The following STXBP5L variants were observed in gnomAD, a reference collection of about 807,000 sequenced individuals.
STXBP5L encodes the protein syntaxin binding protein 5L.
In STXBP5L, 65 loss-of-function variants were observed where a neutral mutation model predicts 144.5. The observed-to-expected ratio is 0.45, with a 90% confidence interval of 0.37 to 0.55. The LOEUF is 0.55. STXBP5L is among the 20% of genes least tolerant of loss of function. The pLI is 0.00. For missense variants in STXBP5L, 1,298 were observed against 1,405.5 expected (o/e 0.92, Z 1.22); for synonymous variants, 505 against 469.6 (o/e 1.08, Z -0.97).
intron 3 of STXBP5L, among the ~76,000 whole-genome samples, chr3:120,991,770 A>G (rs1445973096): frequency 7.0e-6 from 1 of 143,720 alleles, no homozygotes; most frequent in East Asian, 2.3e-4. Flanking sequence ...ATGAGAACAC[A>G]TGGACACAGG....
At chr3:121,160,467 C>T (rs1244954504) in intron 9 of STXBP5L, among the ~76,000 whole-genome samples, 1 of 152,126 alleles carries the variant, frequency 6.6e-6, no homozygotes, top group Non-Finnish European at 1.5e-5. Context: ...CAACTATTTG[C>T]ATAGTGTCAC....
At chr3:121,190,335 G>A (rs1315522146) in intron 9 of STXBP5L, among the ~76,000 whole-genome samples, 1 of 152,152 alleles carries the variant, frequency 6.6e-6, no homozygotes, top group Non-Finnish European at 1.5e-5. Context: ...TTAACCCTTA[G>A]TGGACACAGC....
chr3:121,015,016 G>A (rs1386348944), intron 3 of STXBP5L, among the ~76,000 whole-genome samples: 2 of 152,026 alleles, frequency 1.3e-5, no homozygotes, highest in South Asian at 2.1e-4. Flanking sequence ...AATTATAGAA[G>A]ACTGAAATCA....
In STXBP5L at chr3:121,157,639, G is replaced by A. The variant is rs1234896501; in HGVS notation, c.877+12G>A. The A allele has an allele frequency of 6.3e-7, 1 of 1,593,334 alleles. No homozygotes were observed. The highest frequency in any genetic ancestry group is 2.3e-5 in the East Asian group (1 of 43,586). On this transcript the variant is annotated intron_variant, in intron 9 of 26. Coordinates refer to ENST00000471454, the MANE Select transcript of STXBP5L (RefSeq NM_001308330.2). ...CACAATTCCACATGGTAAGATGTAT[G>A]CTTTCAAAAGGAATAAACACTGGCA...
chr3:121,029,462 A>G (rs1483926265), intron 3 of STXBP5L, among the ~76,000 whole-genome samples: 1 of 152,212 alleles, frequency 6.6e-6, no homozygotes, highest in Non-Finnish European at 1.5e-5. Context: ...TGGTGTTGGG[A>G]AAACTGGCTA....
intron 3 of STXBP5L, among the ~76,000 whole-genome samples, chr3:121,039,776 C>T (rs1371491409): frequency 6.6e-6 from 1 of 151,942 alleles, no homozygotes; most frequent in African/African-American, 2.4e-5. Flanking sequence ...CAAATTACAA[C>T]TAATTAGGCC....
chr3:121,313,531 T>TC (rs1210223958), intron 19 of STXBP5L, among the ~76,000 whole-genome samples: 3 of 1,676 alleles, frequency 1.8e-3, no homozygotes, highest in Non-Finnish European at 3.4e-3. Context: ...GAGGAGCCCC[T>TC]CACTCCCGGA....
chr3:121,365,859 T>C (rs1383360201), intron 20 of STXBP5L, among the ~76,000 whole-genome samples: 1 of 151,838 alleles, frequency 6.6e-6, no homozygotes, highest in East Asian at 1.9e-4. Context: ...AGTTAGGTTG[T>C]TGCCTTGAGA....
chr3:121,244,766 G>C (rs2049786569), intron 14 of STXBP5L, among the ~76,000 whole-genome samples: 1 of 151,990 alleles, frequency 6.6e-6, no homozygotes, highest in South Asian at 2.1e-4. Flanking sequence ...GACTAGAAGG[G>C]AGTGGGATAA....
intron 23 of STXBP5L, 59 bp downstream of exon 23, chr3:121,407,662 T>TA (rs1356381759): frequency 6.3e-7 from 1 of 1,598,528 alleles, no homozygotes; most frequent in Non-Finnish European, 8.5e-7. Context: ...GGTACAATCC[T>TA]AAAAAATATA....
At chr3:120,982,624 C>A (rs1941894937) in intron 3 of STXBP5L, among the ~76,000 whole-genome samples, 1 of 152,186 alleles carries the variant, frequency 6.6e-6, no homozygotes, top group Non-Finnish European at 1.5e-5. Context: ...TGGAGTAGAA[C>A]CTCTTATCTC....
At chr3:121,185,145 CA>C (rs2047323210) in intron 9 of STXBP5L, among the ~76,000 whole-genome samples, 1 of 152,006 alleles carries the variant, frequency 6.6e-6, no homozygotes, top group Non-Finnish European at 1.5e-5. Context: ...GAAGAAACTG[CA>C]ACTTGTAAAT....
At chr3:121,278,338 A>G (rs1047605648) in intron 18 of STXBP5L, among the ~76,000 whole-genome samples, 4 of 151,794 alleles carry the variant, frequency 2.6e-5, no homozygotes, top group Non-Finnish European at 5.9e-5. Flanking sequence ...CTCTTTACCA[A>G]CTTTCTGACA....
At chr3:121,001,213 G>A (rs79575257) in intron 3 of STXBP5L, among the ~76,000 whole-genome samples, 2,501 of 152,310 alleles carry the variant, frequency 0.016, 37 homozygotes, top group Middle Eastern at 0.058. Flanking sequence ...ATGCTGGCAA[G>A]GCCCATGTGA....
chr3:120,952,977 C>T (rs2877382), intron 2 of STXBP5L, among the ~76,000 whole-genome samples: 72,707 of 145,536 alleles, frequency 0.5, 17,936 homozygotes, highest in Admixed American at 0.59. Context: ...TTTTTTTTTT[C>T]TTAATAGAGA....
In STXBP5L at chr3:121,084,502, C is replaced by T. The variant is rs115267512; in HGVS notation, c.471-30423C>T. The stretch of plus-strand genomic sequence containing the variant: ...GATACATGGCTGATGATAATGGCTT[C>T]GAGCTCCATCCATGTCCCTGCAAAG... On this transcript the variant is annotated intron_variant, in intron 5 of 26. Coordinates refer to ENST00000471454, the MANE Select transcript of STXBP5L (RefSeq NM_001308330.2). 4.2e-3 allele frequency among the ~76,000 whole-genome samples: 635 copies of T among 152,200 alleles called. 2 individuals carry two copies. The highest frequency in any genetic ancestry group is 0.014 in the African/African-American group (595 of 41,526).
At chr3:121,150,753 T>C (rs1266203366) in intron 7 of STXBP5L, among the ~76,000 whole-genome samples, 1 of 152,130 alleles carries the variant, frequency 6.6e-6, no homozygotes, top group Non-Finnish European at 1.5e-5. Flanking sequence ...TGAATCTCCT[T>C]GCCAATATCT....
At chr3:121,065,437 C>G (rs1299048334) in intron 5 of STXBP5L, among the ~76,000 whole-genome samples, 1 of 152,074 alleles carries the variant, frequency 6.6e-6, no homozygotes, top group Non-Finnish European at 1.5e-5. Context: ...CCATATTACA[C>G]TAGTTAGGAC....
At chr3:121,315,982 G>A (rs1464541800) in intron 19 of STXBP5L, among the ~76,000 whole-genome samples, 3 of 134,776 alleles carry the variant, frequency 2.2e-5, no homozygotes, top group South Asian at 2.8e-4. Context: ...CAGCCTGGGC[G>A]ATAGTGAGAC....
Sources: allele counts gnomAD v4.1 joint callset (sites outside exome capture counted in the v4.1 genomes callset), GRCh38; gene constraint gnomAD v4.1.1; transcripts MANE v1.5; gene names NCBI Gene and HGNC (gene_info 2026-07-23, HGNC 2026-07-21).